TJP1: variants seen among roughly 807,000 people sequenced by gnomAD.
TJP1 encodes tight junction protein ZO-1.
In TJP1, 43 loss-of-function variants were observed where a neutral mutation model predicts 194.2. The ratio of observed to expected loss-of-function variants is 0.22; its 90% CI spans 0.17 to 0.29. The LOEUF is 0.29. TJP1 is among the 10% of genes least tolerant of loss of function. The pLI is 1.00. For missense variants in TJP1, 1,971 were observed against 2,185.7 expected (o/e 0.90, Z 1.96); for synonymous variants, 801 against 779.0 (o/e 1.03, Z -0.47).
At chr15:29,791,083 A>G (rs902109044) in intron 2 of TJP1, among the ~76,000 whole-genome samples, 8 of 151,026 alleles carry the variant, frequency 5.3e-5, no homozygotes, top group Admixed American at 3.3e-4. Flanking sequence ...CTGGAGTGCA[A>G]TGGCGCGATT....
At chr15:29,848,083 A>T (rs550555780) in intron 2 of TJP1, among the ~76,000 whole-genome samples, 2 of 151,748 alleles carry the variant, frequency 1.3e-5, no homozygotes, top group African/African-American at 4.8e-5. Flanking sequence ...ACATGATTAC[A>T]GTTATTTTAA....
Position 29,719,997 on chromosome 15 carries a change from G to A in TJP1, c.2783C>T (p.Pro928Leu), listed in dbSNP as rs917119112. The A allele has an allele frequency of 4.3e-6, 7 of 1,609,400 alleles. No homozygotes were observed. Among genetic ancestry groups the A allele is most frequent in the Admixed American group, 3.4e-5 (2 of 58,790 alleles). ...ASQQKAEASS[P>L]VPYLSPETNP... ...TGTTTCAGGCGAAAGGTAAGGGACT[G>A]GAGATGAAGCTTCTGCTTTCTGTGA... Residue 928 changes from proline (P) to leucine (L), a missense_variant, in exon 20 of 28, where the codon CCA becomes CTA. Coordinates refer to ENST00000614355, the MANE Select transcript of TJP1 (RefSeq NM_001330239.4).
chr15:29,920,379 C>G (rs546679888), intron 2 of TJP1, among the ~76,000 whole-genome samples: 1 of 152,228 alleles, frequency 6.6e-6, no homozygotes, highest in South Asian at 2.1e-4. Flanking sequence ...TTCTAGCTAC[C>G]CATGGGTCAG....
intron 2 of TJP1, among the ~76,000 whole-genome samples, chr15:29,888,813 C>G (rs1032003334): frequency 6.6e-6 from 1 of 152,254 alleles, no homozygotes; most frequent in East Asian, 1.9e-4. Context: ...AGTGTGTAGC[C>G]GCACACACTG....
chr15:29,844,906 C>A (rs1178322797), intron 2 of TJP1, among the ~76,000 whole-genome samples: 1 of 152,076 alleles, frequency 6.6e-6, no homozygotes, highest in East Asian at 1.9e-4. Context: ...CAAGACCAGG[C>A]TTTGGGCATG....
At chr15:29,956,157 T>A (rs1025232408) in intron 2 of TJP1, 1 of 1,094,562 alleles carries the variant, frequency 9.1e-7, no homozygotes, top group African/African-American at 1.6e-5. Flanking sequence ...GTCTGCTGCA[T>A]TTTTATGAAA....
intron 10 of TJP1, among the ~76,000 whole-genome samples, chr15:29,739,480 G>C (rs533717377): frequency 6.6e-6 from 1 of 152,224 alleles, no homozygotes; most frequent in South Asian, 2.1e-4. Context: ...GTTTTGCTCT[G>C]TCACCCAGGC....
intron 2 of TJP1, among the ~76,000 whole-genome samples, chr15:29,788,474 T>TA (rs1317167868): frequency 6.6e-6 from 1 of 152,220 alleles, no homozygotes. Flanking sequence ...CATTTAAACT[T>TA]AATTTTTGTA....
Position 29,822,402 on chromosome 15 carries a change from G to A in TJP1, c.-374C>T, listed in dbSNP as rs1267002785. On this transcript the variant is annotated 5_prime_UTR_variant, in exon 1 of 28. Transcript: ENST00000614355. ...GCCGGCTTCGCCACGTAACTTCCCGGGAACCGGCGGCCGCCAAGGAACGCG... is the reference window on the plus strand; with the variant it reads ...GCCGGCTTCGCCACGTAACTTCCCGAGAACCGGCGGCCGCCAAGGAACGCG... 5 of 998,720 alleles carry A rather than the reference G, an allele frequency of 5.0e-6. No individual in the cohort carries two copies. The highest frequency in any genetic ancestry group is 4.8e-6 in the Non-Finnish European group (4 of 838,744). 61.9% of individuals were successfully genotyped at this position (998,720 alleles called of 1,614,324 possible). A position where few individuals can be genotyped will look rare whatever the true frequency, so the allele number is the denominator to read the frequency against.
chr15:29,838,420 G>A (rs2051108103), intron 2 of TJP1, among the ~76,000 whole-genome samples: 1 of 152,106 alleles, frequency 6.6e-6, no homozygotes, highest in East Asian at 1.9e-4. Flanking sequence ...GTAAGACTGT[G>A]TCTCAAAAAA....
intron 2 of TJP1, among the ~76,000 whole-genome samples, chr15:29,921,261 G>A (rs1034590674): frequency 4.6e-5 from 7 of 152,162 alleles, no homozygotes; most frequent in African/African-American, 1.4e-4. Context: ...ACTTAAAACA[G>A]TCCTGCCTTG....
intron 1 of TJP1, among the ~76,000 whole-genome samples, chr15:29,821,000 C>T (rs1320930587): frequency 6.6e-6 from 1 of 152,204 alleles, no homozygotes; most frequent in African/African-American, 2.4e-5. Flanking sequence ...ACACAGAAAA[C>T]CACTACCTGC....
intron 1 of TJP1, among the ~76,000 whole-genome samples, chr15:29,817,385 G>T (rs1567089876): frequency 6.6e-6 from 1 of 152,170 alleles, no homozygotes; most frequent in Non-Finnish European, 1.5e-5. Flanking sequence ...CTGTTGGTGG[G>T]AATGTAAATT....
chr15:29,711,022 G>C, intron 23 of TJP1, 22 bp from the exon 24 acceptor site: 1 of 1,545,544 alleles, frequency 6.5e-7, no homozygotes, highest in Non-Finnish European at 8.7e-7. Flanking sequence ...TGAAGAAAAT[G>C]CCAACACCTG....
At chr15:29,888,146 A>G (rs1403510039) in intron 2 of TJP1, among the ~76,000 whole-genome samples, 2 of 152,260 alleles carry the variant, frequency 1.3e-5, no homozygotes, top group East Asian at 3.9e-4. Context: ...TAAAGAAAAA[A>G]TCAAGATACT....
At chr15:29,954,290 T>C (rs1393624804) in intron 2 of TJP1, among the ~76,000 whole-genome samples, 1 of 152,216 alleles carries the variant, frequency 6.6e-6, no homozygotes, top group African/African-American at 2.4e-5. Flanking sequence ...AAGCTTTTTG[T>C]CTGCTACATT....
At chr15:29,715,820 G>A (rs575054058) in intron 23 of TJP1, among the ~76,000 whole-genome samples, 78 of 152,216 alleles carry the variant, frequency 5.1e-4, no homozygotes, top group Admixed American at 5.2e-4. Flanking sequence ...TCTGAAATAG[G>A]ACTTGCTTAG....
chr15:29,941,374 A>T (rs967408900), intron 2 of TJP1, among the ~76,000 whole-genome samples: 2 of 152,144 alleles, frequency 1.3e-5, no homozygotes, highest in African/African-American at 4.8e-5. Context: ...AAACCATCCT[A>T]GCAGTAAAAT....
At chr15:29,791,297 G>T (rs2048066782) in intron 2 of TJP1, among the ~76,000 whole-genome samples, 1 of 151,778 alleles carries the variant, frequency 6.6e-6, no homozygotes, top group African/African-American at 2.4e-5. Context: ...AAAGTGCTGG[G>T]ATTACAGGCA....
Sources: gnomAD v4.1 joint callset for allele counts (sites outside exome capture counted in the v4.1 genomes callset) on GRCh38, gnomAD v4.1.1 for gene constraint, MANE v1.5 for transcripts, NCBI Gene and HGNC (gene_info 2026-07-23, HGNC 2026-07-21) for gene names.